CACNA1C: variants seen among roughly 807,000 people sequenced by gnomAD.
The protein encoded by CACNA1C is calcium voltage-gated channel subunit alpha1 C.
In CACNA1C, 30 loss-of-function variants were observed where a neutral mutation model predicts 229.0. The observed-to-expected ratio is 0.13, with a 90% confidence interval of 0.10 to 0.18. The LOEUF is 0.18. CACNA1C is among the 10% of genes least tolerant of loss of function. The pLI is 1.00. For synonymous variants in CACNA1C, 1,114 were observed against 1,132.5 expected, an observed-to-expected ratio of 0.98 and a Z score of 0.33; for missense variants, 1,658 against 2,845.0, an observed-to-expected ratio of 0.58 and a Z score of 9.49.
chr12:2,030,101 A>T (rs1434373186), intron 1 of CACNA1C, among the ~76,000 whole-genome samples: 1 of 152,254 alleles, frequency 6.6e-6, no homozygotes, highest in East Asian at 1.9e-4. Context: ...ACAATGTCAT[A>T]ACGCGGATTA....
At chr12:2,581,889 C>G in intron 14 of CACNA1C, 92 bp downstream of exon 14, 1 of 750,946 alleles carries the variant, frequency 1.3e-6, no homozygotes, top group Admixed American at 2.1e-5. Context: ...TTTTACCGGG[C>G]AGCCACAGCC....
At position 2,185,940 on chromosome 12, in the gene CACNA1C, C is replaced by T. The variant is rs1012773345; in HGVS notation, c.477+65510C>T. ...TTCTCTGTGGCTGTCCCGTGCCGAGCGCCCAATGCACACTTGTAGCCTGAT... is the reference window on the plus strand; with the variant it reads ...TTCTCTGTGGCTGTCCCGTGCCGAGTGCCCAATGCACACTTGTAGCCTGAT... On this transcript the variant is annotated intron_variant, in intron 3 of 46. Coordinates refer to ENST00000399655, the MANE Select transcript of CACNA1C (RefSeq NM_000719.7). 1.1e-4 allele frequency among the ~76,000 whole-genome samples: 16 copies of T among 152,160 alleles called. 1 individual carries two copies. Among genetic ancestry groups the T allele is most frequent in the Non-Finnish European group, 1.6e-4 (11 of 68,020 alleles).
At chr12:2,538,448 C>G (rs563474933) in intron 9 of CACNA1C, among the ~76,000 whole-genome samples, 1 of 152,076 alleles carries the variant, frequency 6.6e-6, no homozygotes, top group Non-Finnish European at 1.5e-5. Context: ...GTTTCTTTTT[C>G]TCTTCTCTTT....
Position 2,696,536 on chromosome 12 carries a change from G to A in CACNA1C, c.*5337G>A, listed in dbSNP as rs1165416983. 6.8e-6 allele frequency: 1 copy of A among 147,228 alleles called. No homozygotes were observed. The highest frequency in any genetic ancestry group is 1.5e-5 in the Non-Finnish European group (1 of 67,384). The allele number at this position is 147,228 out of a possible 1,614,324, so 9.1% of individuals were successfully genotyped here. On this transcript the variant is annotated 3_prime_UTR_variant, in exon 47 of 47. Transcript: ENST00000399655. Reference sequence around the variant, plus strand: ...GGCACTGTGCCACTTCCCCTGGTGTGAATCAGACATACATTGTACATTCAT... The same window carrying A: ...GGCACTGTGCCACTTCCCCTGGTGTAAATCAGACATACATTGTACATTCAT...
chr12:2,680,419 G>C (rs750528395), intron 42 of CACNA1C: 1 of 1,560,964 alleles, frequency 6.4e-7, no homozygotes, highest in South Asian at 1.2e-5. Flanking sequence ...CTGGGCCCCC[G>C]CAGGGCTCCT....
chr12:2,074,951 G>T (rs1020292423), intron 1 of CACNA1C, among the ~76,000 whole-genome samples: 1 of 152,182 alleles, frequency 6.6e-6, no homozygotes, highest in Non-Finnish European at 1.5e-5. Flanking sequence ...CCCACATGGG[G>T]ACCCGGATCA....
rs2097846807 is a variant in CACNA1C at position 2,696,949 on chromosome 12, C to T, written c.*5750C>T. On this transcript the variant is annotated 3_prime_UTR_variant, in exon 47 of 47. Transcript: ENST00000399655. ...GCAAAAGAGGGTGGGTCACTGGGTC[C>T]TGGACATAGCCCCCAACCCCAAGAC... is the stretch of plus-strand genomic sequence containing the variant. 6.6e-6 allele frequency: 1 copy of T among 152,268 alleles called. No individual in the cohort carries two copies. Among genetic ancestry groups the T allele is most frequent in the Non-Finnish European group, 1.5e-5 (1 of 68,096 alleles). The allele number at this position is 152,268 out of a possible 1,614,324, so 9.4% of individuals were successfully genotyped here.
In CACNA1C at chr12:2,319,245, G is replaced by A. The variant is rs1567032428; in HGVS notation, c.478-129731G>A. 6.6e-6 allele frequency among the ~76,000 whole-genome samples: 1 copy of A among 152,094 alleles called. No homozygotes were observed. Among genetic ancestry groups the A allele is most frequent in the Non-Finnish European group, 1.5e-5 (1 of 67,998 alleles). ...ACATGATGAGCAGCTTACATGATGT[G>A]TAGTGTACATGGGGGCGGCGTGCAT... On this transcript the variant is annotated intron_variant, in intron 3 of 46. Coordinates refer to ENST00000399655, the MANE Select transcript of CACNA1C (RefSeq NM_000719.7). This position sits in a 1 kb window ranked among gnomAD's most constrained non-coding sequence, Gnocchi z 4.0.
chr12:2,177,587 CCCTTCCTTCCTT>C (rs1555274712), intron 3 of CACNA1C, among the ~76,000 whole-genome samples: 31 of 78,524 alleles, frequency 3.9e-4, no homozygotes, highest in Non-Finnish European at 6.6e-4. Flanking sequence ...CTCCCTCCCT[CCCTTCCTTCCTT>C]CCTTCCTTCC....
intron 3 of CACNA1C, among the ~76,000 whole-genome samples, chr12:2,256,089 A>ACGAT (rs1600946534): frequency 2.0e-5 from 3 of 152,232 alleles, no homozygotes; most frequent in African/African-American, 4.8e-5. Context: ...TTACAATCAC[A>ACGAT]CCTCCTGTTT....
intron 3 of CACNA1C, among the ~76,000 whole-genome samples, chr12:2,178,849 G>T (rs535973431): frequency 1.3e-5 from 2 of 152,252 alleles, no homozygotes; most frequent in Admixed American, 1.3e-4. Flanking sequence ...ATCACCCGAG[G>T]TCAGGAGTTC....
At chr12:2,095,760 A>G (rs376363936) in intron 1 of CACNA1C, among the ~76,000 whole-genome samples, 1 of 152,184 alleles carries the variant, frequency 6.6e-6, no homozygotes, top group African/African-American at 2.4e-5. Flanking sequence ...AGGAGAGTGC[A>G]TGCATCCTAT....
chr12:2,642,436 C>CCTG (rs1458379831), intron 30 of CACNA1C, among the ~76,000 whole-genome samples: 1 of 152,186 alleles, frequency 6.6e-6, no homozygotes, highest in Admixed American at 6.5e-5. Flanking sequence ...GGCTCAGCAA[C>CCTG]CTGCTGCTGG....
intron 7 of CACNA1C, among the ~76,000 whole-genome samples, chr12:2,494,246 T>C (rs2099742252): frequency 6.6e-6 from 1 of 152,256 alleles, no homozygotes; most frequent in East Asian, 1.9e-4. Context: ...AACACTACTT[T>C]GCTGCGCTTT....
At chr12:2,472,742 T>C (rs2099600096) in intron 5 of CACNA1C, among the ~76,000 whole-genome samples, 1 of 152,256 alleles carries the variant, frequency 6.6e-6, no homozygotes, top group African/African-American at 2.4e-5. Context: ...TATATTTCTT[T>C]ATATGTCTAG....
intron 9 of CACNA1C, among the ~76,000 whole-genome samples, chr12:2,514,128 G>A (rs114194318): frequency 1.5e-3 from 228 of 152,276 alleles, no homozygotes; most frequent in African/African-American, 5.1e-3. Context: ...CATTTGCTGC[G>A]TGGAGTCATG....
intron 5 of CACNA1C, among the ~76,000 whole-genome samples, chr12:2,473,019 T>C (rs1051769328): frequency 6.6e-6 from 1 of 152,212 alleles, no homozygotes; most frequent in Non-Finnish European, 1.5e-5. Context: ...ACAAAGGGCC[T>C]TACTCCCAGG....
chr12:2,385,558 G>A (rs971997109), intron 3 of CACNA1C, among the ~76,000 whole-genome samples: 1 of 152,048 alleles, frequency 6.6e-6, no homozygotes, highest in Non-Finnish European at 1.5e-5. Context: ...TAGGCCCCTG[G>A]CAGCTTTTGC....
intron 5 of CACNA1C, among the ~76,000 whole-genome samples, chr12:2,482,407 C>T (rs2099679599): frequency 6.6e-6 from 1 of 152,214 alleles, no homozygotes; most frequent in Non-Finnish European, 1.5e-5. Context: ...TGGCACTGAG[C>T]CCTGTGCCAC....
Sources: allele counts gnomAD v4.1 joint callset (sites outside exome capture counted in the v4.1 genomes callset), GRCh38; gene constraint gnomAD v4.1.1; non-coding constraint Gnocchi (gnomAD v3.1); transcripts MANE v1.5; gene names NCBI Gene and HGNC (gene_info 2026-07-23, HGNC 2026-07-21).